Variants in RAPGEF2 observed in about 807,000 individuals in gnomAD.
RAPGEF2 encodes the protein PDZ domain containing guanine nucleotide exchange factor (GEF) 1.
RAPGEF2 carries 54 observed loss-of-function variants against 186.7 expected under a neutral mutation model. The observed-to-expected ratio is 0.29, with a 90% CI of 0.23 to 0.36. RAPGEF2 has a LOEUF of 0.36. Ranked by LOEUF, RAPGEF2 falls within the 10% of genes least tolerant of loss-of-function variation. RAPGEF2 has a pLI of 1.00. For synonymous variants in RAPGEF2, 712 were observed against 705.9 expected (o/e 1.01, Z -0.14); for missense variants, 1,532 against 2,045.0 (o/e 0.75, Z 4.84).
In RAPGEF2 at chr4:159,332,169, A is replaced by G. The variant is rs1045576575; in HGVS notation, c.1888+135A>G. 9.8e-5 allele frequency: 66 copies of G among 673,962 alleles called. No individual in the cohort carries two copies. In the South Asian group the frequency reaches 1.4e-3, roughly 15 times the overall value. The allele number at this position is 673,962 out of a possible 1,614,324, so 41.7% of individuals were successfully genotyped here. A position where few individuals can be genotyped will look rare whatever the true frequency, so the allele number is the denominator to read the frequency against. ...AACTACTGACTTGACCATAAAAAATATTTTTAATCTGTCTTTATTGATAAC... is the reference window on the plus strand; with the variant it reads ...AACTACTGACTTGACCATAAAAAATGTTTTTAATCTGTCTTTATTGATAAC... On this transcript the variant is annotated intron_variant, in intron 16 of 29. Coordinates refer to ENST00000691494, the MANE Select transcript of RAPGEF2 (RefSeq NM_001394067.2).
At chr4:159,194,443 A>AC (rs36046947) in intron 3 of RAPGEF2, among the ~76,000 whole-genome samples, 1 of 152,034 alleles carries the variant, frequency 6.6e-6, no homozygotes, top group African/African-American at 2.4e-5. Context: ...GGTATCACAG[A>AC]CCCCCAAATA....
At chr4:159,197,435 A>G (rs1193955854) in intron 3 of RAPGEF2, among the ~76,000 whole-genome samples, 1 of 152,030 alleles carries the variant, frequency 6.6e-6, no homozygotes, top group Non-Finnish European at 1.5e-5. Context: ...CCACACACAC[A>G]CACGCCCACA....
At chr4:159,253,361 T>C (rs1426910977) in intron 7 of RAPGEF2, among the ~76,000 whole-genome samples, 1 of 152,230 alleles carries the variant, frequency 6.6e-6, no homozygotes, top group Non-Finnish European at 1.5e-5. Context: ...CATCATGCAT[T>C]GGTCACTGGG....
Position 159,273,630 on chromosome 4 carries a change from CTTT to C in RAPGEF2, c.543+29840_543+29842del, listed in dbSNP as rs1561188272. Among the ~76,000 whole-genome samples the C allele has an allele frequency of 5.5e-4, 6 of 10,894 alleles. No homozygotes were observed. The South Asian group carries it at 9.6e-3, about 17-fold the overall frequency. The allele number at this position is 10,894 out of a possible 152,430, so 7.1% of individuals were successfully genotyped here. ...CCCTAGTAAGATCAGTAATCAGTTT[CTTT>C]CTTTCTTTCTTTCTTTCTTTCTTTC... On this transcript the variant is annotated intron_variant, in intron 7 of 29. Transcript: ENST00000691494.
At chr4:159,316,262 A>G (rs1248084535) in intron 9 of RAPGEF2, among the ~76,000 whole-genome samples, 1 of 152,166 alleles carries the variant, frequency 6.6e-6, no homozygotes, top group African/African-American at 2.4e-5. Flanking sequence ...TTATTATAAT[A>G]TTGGAATAAA....
At chr4:159,240,623 G>A (rs1255492177) in intron 5 of RAPGEF2, among the ~76,000 whole-genome samples, 2 of 151,894 alleles carry the variant, frequency 1.3e-5, no homozygotes, top group East Asian at 3.9e-4. Flanking sequence ...GTGAGCAACT[G>A]TGCCTGGCCT....
At chr4:159,131,196 C>T (rs141803675) in intron 1 of RAPGEF2, among the ~76,000 whole-genome samples, 4,310 of 152,204 alleles carry the variant, frequency 0.028, 94 homozygotes, top group Admixed American at 0.049. Flanking sequence ...CCGCAACCTC[C>T]GCCTCCTAGG....
At chr4:159,165,922 G>T (rs1745261297) in intron 1 of RAPGEF2, among the ~76,000 whole-genome samples, 1 of 152,106 alleles carries the variant, frequency 6.6e-6, no homozygotes, top group Non-Finnish European at 1.5e-5. Flanking sequence ...AATGTGAAAA[G>T]AAATCACAGA....
intron 8 of RAPGEF2, 72 bp from the exon 9 acceptor site, chr4:159,314,519 G>A: frequency 7.4e-7 from 1 of 1,352,558 alleles, no homozygotes. Flanking sequence ...AATGAGGCTT[G>A]CTCTTGTTTC....
At chr4:159,328,566 A>T (rs1766245138) in intron 11 of RAPGEF2, 1 of 152,222 alleles carries the variant, frequency 6.6e-6, no homozygotes. Context: ...TCTATTGATT[A>T]TGCGGAAAGC....
intron 11 of RAPGEF2, chr4:159,328,428 T>A (rs1766228590): frequency 6.6e-6 from 1 of 152,180 alleles, no homozygotes; most frequent in African/African-American, 2.4e-5. Context: ...AAAAAGCCTA[T>A]ATCTTTTGAT....
intron 1 of RAPGEF2, among the ~76,000 whole-genome samples, chr4:159,169,075 A>G (rs76799496): frequency 0.027 from 4,052 of 152,324 alleles, 191 homozygotes; most frequent in African/African-American, 0.09. Flanking sequence ...TCCCCAAGGC[A>G]ACATCCCAGC....
intron 7 of RAPGEF2, among the ~76,000 whole-genome samples, chr4:159,247,372 G>A (rs1209165619): frequency 1.3e-5 from 2 of 152,030 alleles, no homozygotes; most frequent in African/African-American, 2.4e-5. Flanking sequence ...TACAGGAGTC[G>A]GGGATGGTTT....
At chr4:159,157,926 G>T (rs1744300913) in intron 1 of RAPGEF2, among the ~76,000 whole-genome samples, 1 of 152,138 alleles carries the variant, frequency 6.6e-6, no homozygotes. Context: ...GGGAAGCTGG[G>T]TTTTGAGGAA....
At position 159,173,776 on chromosome 4, in the gene RAPGEF2, CTTAAATG is replaced by C. The variant is rs1353383550; in HGVS notation, c.70-12857_70-12851del. On this transcript the variant is annotated intron_variant, in intron 1 of 29. Transcript: ENST00000691494. ...CTGATTTCTGTTTTTGGTTGTTTTA[CTTAAATG>C]TTAAATGTAATCATTCACAGCCTGC... Among the ~76,000 whole-genome samples the C allele has an allele frequency of 2.0e-5, 3 of 152,088 alleles. No individual in the cohort carries two copies. The South Asian group carries it at 6.2e-4, about 31-fold the overall frequency.
At chr4:159,124,431 C>T (rs1452321485) in intron 1 of RAPGEF2, among the ~76,000 whole-genome samples, 1 of 151,770 alleles carries the variant, frequency 6.6e-6, no homozygotes, top group Non-Finnish European at 1.5e-5. Context: ...CCCAGCTACT[C>T]GGGAAGCTGA....
chr4:159,348,017 T>C (rs1237955206), intron 25 of RAPGEF2, among the ~76,000 whole-genome samples: 2 of 152,172 alleles, frequency 1.3e-5, no homozygotes, highest in Non-Finnish European at 2.9e-5. Context: ...GGCCAGGAGT[T>C]GGAGACCAGC....
intron 4 of RAPGEF2, among the ~76,000 whole-genome samples, chr4:159,235,138 T>C (rs962757960): frequency 2.0e-5 from 3 of 152,246 alleles, no homozygotes; most frequent in Non-Finnish European, 4.4e-5. Flanking sequence ...TGAGAAACTT[T>C]TCAGTTCTGT....
chr4:159,178,551 CTTTTTTTTTTTTT>C (rs71589215), intron 1 of RAPGEF2, among the ~76,000 whole-genome samples: 2 of 75,486 alleles, frequency 2.6e-5, no homozygotes, highest in Middle Eastern at 0.015. Context: ...ATGTATTATG[CTTTTTTTTTTTTT>C]TTTTTTTTTT....
Sources: gnomAD v4.1 joint callset for allele counts (sites outside exome capture counted in the v4.1 genomes callset) on GRCh38, gnomAD v4.1.1 for gene constraint, MANE v1.5 for transcripts, NCBI Gene and HGNC (gene_info 2026-07-23, HGNC 2026-07-21) for gene names.